The following NID2 variants were observed in gnomAD, a reference collection of about 807,000 sequenced individuals.
The protein encoded by NID2 is nidogen-2.
NID2 carries 83 observed loss-of-function variants against 145.4 expected under a neutral mutation model. The observed-to-expected ratio is 0.57, with a 90% CI of 0.48 to 0.69. The LOEUF (loss-of-function observed/expected upper bound fraction) is 0.69. Ranked by LOEUF, NID2 falls within the 30% of genes least tolerant of loss-of-function variation. The probability of loss-of-function intolerance (pLI) is 0.00; values close to 1 mark genes in which losing one functional copy is unlikely to be tolerated. For missense variants in NID2, 1,807 were observed against 1,765.7 expected (o/e 1.02, Z -0.42); for synonymous variants, 739 against 701.3 (o/e 1.05, Z -0.85).
intron 12 of NID2, among the ~76,000 whole-genome samples, chr14:52,021,727 G>A (rs899278036): frequency 7.2e-5 from 11 of 152,140 alleles, no homozygotes; most frequent in African/African-American, 1.7e-4. Context: ...CCATCATTTC[G>A]CCTATAAAGG....
chr14:52,064,681 A>G (rs1893128840), intron 2 of NID2, among the ~76,000 whole-genome samples: 1 of 152,188 alleles, frequency 6.6e-6, no homozygotes, highest in Non-Finnish European at 1.5e-5. Context: ...CATCTGTCTT[A>G]TGTTACTGCC....
At chr14:52,010,065 T>G (rs1051925953) in intron 18 of NID2, 1 of 152,208 alleles carries the variant, frequency 6.6e-6, no homozygotes, top group African/African-American at 2.4e-5. Context: ...AAAGAGTTTT[T>G]AAGAGGGCTA....
Position 52,027,189 on chromosome 14 carries a change from G to A in NID2, c.2674+12C>T. The A allele has an allele frequency of 2.0e-6, 3 of 1,482,550 alleles. No individual in the cohort carries two copies. The highest frequency in any genetic ancestry group is 1.4e-5 in the South Asian group (1 of 72,692). The allele number at this position is 1,482,550 out of a possible 1,614,324, so 91.8% of individuals were successfully genotyped here. On this transcript the variant is annotated intron_variant, in intron 12 of 21. Transcript: ENST00000216286. Reference sequence around the variant, plus strand: ...ACTTTCCAGTCATTGAGGCTGACCTGCAGTTACTCACCAGTGCACTGGTGC... The same window carrying A: ...ACTTTCCAGTCATTGAGGCTGACCTACAGTTACTCACCAGTGCACTGGTGC...
At chr14:52,045,621 CTGTCTA>C (rs940417861) in intron 5 of NID2, among the ~76,000 whole-genome samples, 13 of 106,748 alleles carry the variant, frequency 1.2e-4, no homozygotes, top group African/African-American at 4.9e-4. Context: ...AACTGTATCA[CTGTCTA>C]TTAGTTTAAG....
rs945062549 is a variant in NID2 at position 52,041,186 on chromosome 14, AC to A, written c.1826-336del. 2.8e-4 allele frequency among the ~76,000 whole-genome samples: 42 copies of A among 152,168 alleles called. No homozygotes were observed. In the East Asian group the frequency reaches 4.6e-3, roughly 17 times the overall value. ...AACAAATAAACCTAACAACAAAAAA[AC>A]AAAAACAAATAAACTACCACCTAAG... On this transcript the variant is annotated intron_variant, in intron 7 of 21. Coordinates refer to ENST00000216286, the MANE Select transcript of NID2 (RefSeq NM_007361.4).
intron 11 of NID2, among the ~76,000 whole-genome samples, chr14:52,027,667 C>T (rs1402911797): frequency 6.7e-6 from 1 of 149,838 alleles, no homozygotes; most frequent in East Asian, 1.9e-4. Flanking sequence ...CACACACACA[C>T]GCAGTTTCTC....
chr14:52,065,923 G>C (rs540622193), intron 2 of NID2, among the ~76,000 whole-genome samples: 1 of 145,006 alleles, frequency 6.9e-6, no homozygotes, highest in African/African-American at 2.6e-5. Flanking sequence ...ATTTGGGTTG[G>C]TTCCAAGTCT....
intron 11 of NID2, 157 bp downstream of exon 11, chr14:52,028,565 C>T (rs1891679675): frequency 1.2e-6 from 1 of 802,430 alleles, no homozygotes; most frequent in Non-Finnish European, 1.8e-6. Context: ...TGAGCCACCA[C>T]ATCCAGCCAG....
At chr14:52,027,140 A>G (rs1232541477) in intron 12 of NID2, 61 bp downstream of exon 12, 6 of 1,409,770 alleles carry the variant, frequency 4.3e-6, no homozygotes, top group African/African-American at 1.5e-5. Flanking sequence ...AGCTCCATCT[A>G]TGTGGGGATG....
intron 3 of NID2, among the ~76,000 whole-genome samples, chr14:52,059,853 T>C (rs1015979892): frequency 6.6e-6 from 1 of 152,238 alleles, no homozygotes; most frequent in Non-Finnish European, 1.5e-5. Context: ...GCAATGTTTT[T>C]CATAGCAAGC....
intron 9 of NID2, among the ~76,000 whole-genome samples, chr14:52,030,540 G>GA (rs1228460616): frequency 1.3e-3 from 55 of 43,592 alleles, no homozygotes; most frequent in African/African-American, 3.8e-3. Context: ...AAGAAAGAAA[G>GA]AAAGAAAGAA....
At chr14:52,032,849 CA>C (rs1385533450) in intron 9 of NID2, among the ~76,000 whole-genome samples, 1 of 147,884 alleles carries the variant, frequency 6.8e-6, no homozygotes, top group East Asian at 2.0e-4. Context: ...CAAACTTGGA[CA>C]GGATATATTA....
intron 5 of NID2, among the ~76,000 whole-genome samples, chr14:52,048,363 C>T (rs1480762499): frequency 4.6e-5 from 7 of 152,104 alleles, no homozygotes; most frequent in East Asian, 1.9e-4. Context: ...TTATCCAGGG[C>T]GAGAAAAGCC....
At chr14:52,036,060 T>G (rs1219266447) in intron 9 of NID2, among the ~76,000 whole-genome samples, 1 of 151,796 alleles carries the variant, frequency 6.6e-6, no homozygotes, top group Admixed American at 6.6e-5. Flanking sequence ...TTAAAGTACA[T>G]AATTAAACAA....
intron 2 of NID2, 45 bp downstream of exon 2, chr14:52,067,813 C>T (rs7145374): frequency 0.043 from 68,990 of 1,601,520 alleles, 2,654 homozygotes; most frequent in African/African-American, 0.21. Flanking sequence ...GAATTTAAGC[C>T]CATCCTTCAA....
intron 11 of NID2, 155 bp downstream of exon 11, chr14:52,028,567 T>C: frequency 1.2e-6 from 1 of 822,788 alleles, no homozygotes; most frequent in Non-Finnish European, 1.8e-6. Context: ...AGCCACCACA[T>C]CCAGCCAGCT....
chr14:52,047,370 G>C (rs1287779287), intron 5 of NID2, among the ~76,000 whole-genome samples: 1 of 152,064 alleles, frequency 6.6e-6, no homozygotes, highest in African/African-American at 2.4e-5. Flanking sequence ...CCACAGATGA[G>C]GGCAGGCGTG....
In NID2 at chr14:52,060,376, A is replaced by G. The variant is rs774769032; in HGVS notation, c.535-20T>C. On this transcript the variant is annotated intron_variant, in intron 2 of 21. Transcript: ENST00000216286. ...GTTCAGCTGTGAGGAAAAAAAAAAA[A>G]AAAGAGAGAGAGAGAGAGAGAAACA... 138 of 1,214,130 alleles carry G rather than the reference A, an allele frequency of 1.1e-4. No individual in the cohort carries two copies. The highest frequency in any genetic ancestry group is 9.9e-4 in the Middle Eastern group (4 of 4,034). 75.2% of individuals were successfully genotyped at this position (1,214,130 alleles called of 1,614,324 possible).
chr14:52,046,895 C>A (rs1892517595), intron 5 of NID2, among the ~76,000 whole-genome samples: 1 of 152,222 alleles, frequency 6.6e-6, no homozygotes, highest in African/African-American at 2.4e-5. Flanking sequence ...GATGGATCAG[C>A]CCCTAATCCG....
Sources: gnomAD v4.1 joint callset for allele counts (sites outside exome capture counted in the v4.1 genomes callset) on GRCh38, gnomAD v4.1.1 for gene constraint, MANE v1.5 for transcripts, NCBI Gene and HGNC (gene_info 2026-07-23, HGNC 2026-07-21) for gene names.